The following RADX variants were observed in gnomAD, a reference collection of about 807,000 sequenced individuals.
RADX encodes RPA1 related single stranded DNA binding protein, X-linked, also known as RPA-related protein RADX.
A neutral mutation model predicts 61.6 loss-of-function variants in RADX; 36 were observed. The observed-to-expected ratio is 0.58, with a 90% confidence interval of 0.45 to 0.77. The LOEUF (loss-of-function observed/expected upper bound fraction) is 0.77. Ranked by LOEUF, RADX falls within the 30% of genes least tolerant of loss-of-function variation. RADX has a pLI of 0.00. For missense variants in RADX, 497 were observed against 651.1 expected, an observed-to-expected ratio of 0.76 and a Z score of 2.58; for synonymous variants, 272 against 237.9, an observed-to-expected ratio of 1.14 and a Z score of -1.32.
chrX:106,648,981 C>T (rs1927731025), intron 11 of RADX, among the ~76,000 whole-genome samples: 1 of 111,008 alleles, frequency 9.0e-6, no homozygotes, highest in Non-Finnish European at 1.9e-5. Flanking sequence ...GATGTCTCAA[C>T]GAACCTTTCC....
chrX:106,652,997 A>AG, intron 11 of RADX, among the ~76,000 whole-genome samples: 1 of 107,890 alleles, frequency 9.3e-6, no homozygotes, highest in Non-Finnish European at 1.9e-5. Flanking sequence ...AAAAAAAAAA[A>AG]AAAACCTGTA....
Position 106,612,148 on chromosome X carries a change from A to G in RADX, c.68A>G (p.Glu23Gly). ...GCAGGGCTAGATTGGCCGAACCCTG[A>G]GAGGAATCGGGCTGGGGTCCCGGGA... ...SHAGLDWPNP[E>G]RNRAGVPGGV... is the part of the protein sequence containing the mutation. Residue 23 changes from glutamate (E) to glycine (G), a missense_variant, in exon 1 of 14, where the codon GAG (glutamate) becomes GGG (glycine). Around this residue, in one of 3 missense-constraint regions of RADX, gnomAD observed 34 missense variants for 29.1 expected, o/e 1.17. Transcript: ENST00000372548. 8.3e-7 allele frequency: 1 copy of G among 1,211,445 alleles called. No individual in the cohort carries two copies. Among genetic ancestry groups the G allele is most frequent in the Non-Finnish European group, 1.1e-6 (1 of 895,192 alleles).
chrX:106,614,902 A>G (rs1452176883), intron 1 of RADX, among the ~76,000 whole-genome samples: 2 of 111,749 alleles, frequency 1.8e-5, no homozygotes, highest in Non-Finnish European at 3.8e-5. Context: ...TCACGTACAT[A>G]TACCTGTGTA....
intron 11 of RADX, among the ~76,000 whole-genome samples, chrX:106,650,173 C>A (rs1419004753): frequency 9.0e-6 from 1 of 110,889 alleles, no homozygotes; most frequent in Admixed American, 9.7e-5. Context: ...TCCTGTATCT[C>A]CTGGGCAATG....
chrX:106,622,109 G>A (rs1437553757), intron 1 of RADX, among the ~76,000 whole-genome samples: 1 of 109,195 alleles, frequency 9.2e-6, no homozygotes, highest in Admixed American at 9.8e-5. Flanking sequence ...GCTAATTTTT[G>A]TCTTTTTGGA....
intron 10 of RADX, among the ~76,000 whole-genome samples, chrX:106,645,690 A>C (rs1927640272): frequency 9.0e-6 from 1 of 111,623 alleles, no homozygotes; most frequent in Non-Finnish European, 1.9e-5. Flanking sequence ...ATCCTTGAGA[A>C]TGATCCATGT....
rs201796205 is a variant in RADX at position 106,640,735 on chromosome X, A to T, written c.1904+14A>T. 1.0e-3 allele frequency: 1,112 copies of T among 1,103,546 alleles called. No homozygotes were observed. Among genetic ancestry groups the T allele is most frequent in the Non-Finnish European group, 1.2e-3 (990 of 819,387 alleles). 90.9% of individuals were successfully genotyped at this position (1,103,546 alleles called of 1,213,427 possible). On this transcript the variant is annotated intron_variant, in intron 10 of 13. Transcript: ENST00000372548. ...ACACGCTAATCCGTAAGTCATTTGTATTAAGTATATGTAAAGTATATTTTT... is the reference window on the plus strand; with the variant it reads ...ACACGCTAATCCGTAAGTCATTTGTTTTAAGTATATGTAAAGTATATTTTT...
chrX:106,658,908 G>T (rs965140473), intron 11 of RADX, among the ~76,000 whole-genome samples: 1 of 110,423 alleles, frequency 9.1e-6, no homozygotes, highest in Non-Finnish European at 1.9e-5. Flanking sequence ...TAGCAAGAAG[G>T]AGAGGCAAAG....
At chrX:106,617,020 GTTTTTT>G (rs60413185) in intron 1 of RADX, among the ~76,000 whole-genome samples, 2 of 54,544 alleles carry the variant, frequency 3.7e-5, no homozygotes, top group African/African-American at 1.7e-4. Context: ...GTGTGTGTGG[GTTTTTT>G]TTTTTTTTTT....
chrX:106,658,303 C>A (rs777166056), intron 11 of RADX, among the ~76,000 whole-genome samples: 101 of 111,668 alleles, frequency 9.0e-4, no homozygotes, highest in African/African-American at 3.2e-3. Context: ...TCAAGGATCC[C>A]TCAATTACCT....
chrX:106,614,927 C>T (rs1284821748), intron 1 of RADX, among the ~76,000 whole-genome samples: 1 of 111,897 alleles, frequency 8.9e-6, no homozygotes, highest in African/African-American at 3.2e-5. Context: ...TCACCCCCCT[C>T]CCTTTAAGAT....
intron 3 of RADX, among the ~76,000 whole-genome samples, chrX:106,630,994 TAAAG>T (rs1927204320): frequency 1.8e-5 from 2 of 112,119 alleles, no homozygotes; most frequent in Admixed American, 9.5e-5. Flanking sequence ...ACTCCAATAA[TAAAG>T]AGTTAGAAAT....
intron 9 of RADX, among the ~76,000 whole-genome samples, chrX:106,640,132 G>T (rs1348202846): frequency 9.1e-6 from 1 of 109,822 alleles, no homozygotes; most frequent in South Asian, 4.0e-4. Flanking sequence ...TTCATAGGAA[G>T]TTTTCTCTAT....
chrX:106,627,939 G>T (rs893182031), intron 3 of RADX, among the ~76,000 whole-genome samples: 7 of 111,594 alleles, frequency 6.3e-5, no homozygotes, highest in African/African-American at 2.3e-4. Context: ...GGGTTCCAGC[G>T]ATTCTCCTGC....
intron 8 of RADX, 145 bp downstream of exon 8, chrX:106,638,069 A>G (rs1436441408): frequency 6.5e-6 from 3 of 464,339 alleles, no homozygotes; most frequent in Non-Finnish European, 1.1e-5. Context: ...CTTTGTCTTA[A>G]TGCAGATCTA....
intron 10 of RADX, among the ~76,000 whole-genome samples, chrX:106,647,240 A>T (rs952244106): frequency 1.8e-5 from 2 of 110,907 alleles, no homozygotes; most frequent in African/African-American, 6.5e-5. Context: ...AGAACATGCA[A>T]TGTTTATCTT....
In RADX at chrX:106,622,715, A is replaced by G. The variant is rs760767544; in HGVS notation, c.708A>G (p.Ala236=). 8.3e-7 allele frequency: 1 copy of G among 1,199,049 alleles called. No homozygotes were observed. Among genetic ancestry groups the G allele is most frequent in the Non-Finnish European group, 1.1e-6 (1 of 888,985 alleles). ...MTWTNRRNFP[A]LLVRILHKSK... is the part of the protein sequence containing the mutation. ...GGACTAACAGAAGAAATTTTCCTGC[A>G]TTGCTTGTGAGGATCTTACATAAAT... Residue 236 remains alanine, a synonymous_variant, in exon 2 of 14, where the codon GCA becomes GCG. Transcript: ENST00000372548.
chrX:106,634,176 G>A (rs959740591), intron 6 of RADX, among the ~76,000 whole-genome samples: 23 of 110,467 alleles, frequency 2.1e-4, no homozygotes, highest in African/African-American at 2.6e-4. Flanking sequence ...TCACTCTGTC[G>A]CCCAGGCTAG....
chrX:106,644,519 T>G (rs1402821660), intron 10 of RADX, among the ~76,000 whole-genome samples: 1 of 111,672 alleles, frequency 9.0e-6, no homozygotes, highest in African/African-American at 3.2e-5. Context: ...TCAACATCAA[T>G]TGAAATGATT....
Sources: allele counts gnomAD v4.1 joint callset (sites outside exome capture counted in the v4.1 genomes callset), GRCh38; gene constraint gnomAD v4.1.1; regional missense constraint gnomAD v4.1.1; transcripts MANE v1.5; gene names NCBI Gene and HGNC (gene_info 2026-07-23, HGNC 2026-07-21).